Variants in CDC123 observed in about 807,000 individuals in gnomAD.
CDC123 encodes the protein cell division cycle 123, also known as translation initiation factor eIF2 assembly protein.
A neutral mutation model predicts 54.4 loss-of-function variants in CDC123; 37 were observed. The ratio of observed to expected loss-of-function variants is 0.68; its 90% CI spans 0.52 to 0.89. The LOEUF (loss-of-function observed/expected upper bound fraction) is 0.89, where lower values mean the gene tolerates loss of function less well. Ranked by LOEUF, CDC123 falls within the 40% of genes least tolerant of loss-of-function variation. The pLI is 0.00. For synonymous variants in CDC123, 144 were observed against 136.8 expected, an observed-to-expected ratio of 1.05 and a Z score of -0.37; for missense variants, 361 against 412.1, an observed-to-expected ratio of 0.88 and a Z score of 1.07.
intron 10 of CDC123, 126 bp downstream of exon 10, chr10:12,238,611 C>G: frequency 1.8e-6 from 2 of 1,139,900 alleles, no homozygotes; most frequent in Non-Finnish European, 1.2e-6. Flanking sequence ...TGCAGCAGCT[C>G]ATGCCTGTAT....
chr10:12,231,550 G>GGGAGGTGGAGGTTGCAGTGAGCTGAGAT (rs1248245636), intron 7 of CDC123, among the ~76,000 whole-genome samples: 2 of 151,378 alleles, frequency 1.3e-5, no homozygotes, highest in East Asian at 3.9e-4. Flanking sequence ...GCTTGAACCC[G>GGGAGGTGGAGGTTGCAGTGAGCTGAGAT]GGAGGTGGAG....
At chr10:12,232,429 TTGTC>T (rs764682816) in intron 7 of CDC123, among the ~76,000 whole-genome samples, 18 of 152,146 alleles carry the variant, frequency 1.2e-4, no homozygotes, top group Non-Finnish European at 2.4e-4. Flanking sequence ...CTTTCAAAAT[TTGTC>T]TGTTGACTCA....
At position 12,249,579 on chromosome 10, in the gene CDC123, A is replaced by G; in HGVS notation, c.847-2A>G. ...TCTTTCTCCTTTTTCTTCTTTGTAC[A>G]GGATTCCCCAGCTTTCCGTTGCACA... is the stretch of plus-strand genomic sequence containing the variant. On this transcript the variant is annotated splice_acceptor_variant, in intron 11 of 12. Coordinates refer to ENST00000281141, the MANE Select transcript of CDC123 (RefSeq NM_006023.3). LOFTEE classifies it high-confidence loss of function. 3 of 1,609,860 alleles carry G rather than the reference A, an allele frequency of 1.9e-6. No individual in the cohort carries two copies. Among genetic ancestry groups the G allele is most frequent in the Admixed American group, 1.7e-5 (1 of 58,484 alleles).
At chr10:12,234,561 A>G (rs1039845783) in intron 7 of CDC123, among the ~76,000 whole-genome samples, 2 of 152,056 alleles carry the variant, frequency 1.3e-5, no homozygotes, top group South Asian at 4.1e-4. Context: ...GGTGCAGAAC[A>G]TATGAATGAA....
intron 11 of CDC123, among the ~76,000 whole-genome samples, chr10:12,249,333 G>A (rs1836206442): frequency 6.6e-6 from 1 of 152,126 alleles, no homozygotes; most frequent in Admixed American, 6.6e-5. Context: ...AGCTACTTGG[G>A]AGGCTGAAGT....
intron 10 of CDC123, among the ~76,000 whole-genome samples, chr10:12,241,702 C>G (rs564749230): frequency 6.6e-6 from 1 of 152,006 alleles, no homozygotes; most frequent in South Asian, 2.1e-4. Context: ...TTTGTTTGTT[C>G]TTTTGTTTGT....
intron 2 of CDC123, among the ~76,000 whole-genome samples, chr10:12,208,100 CT>C (rs1283248546): frequency 6.6e-6 from 1 of 151,994 alleles, no homozygotes; most frequent in East Asian, 1.9e-4. Context: ...TCCTTGGGAT[CT>C]TTTTTTTAGT....
chr10:12,200,094 T>C (rs1247229365), intron 2 of CDC123, among the ~76,000 whole-genome samples: 6 of 143,368 alleles, frequency 4.2e-5, no homozygotes, highest in Non-Finnish European at 6.0e-5. Flanking sequence ...GTGCTGGGAT[T>C]ATAGGCCTGA....
intron 4 of CDC123, among the ~76,000 whole-genome samples, chr10:12,212,267 T>C (rs1172747447): frequency 2.6e-5 from 4 of 152,144 alleles, no homozygotes; most frequent in African/African-American, 4.8e-5. Context: ...CTAAATACCA[T>C]TCTCCACTAA....
chr10:12,215,696 T>G (rs763076995), intron 4 of CDC123, 44 bp from the exon 5 acceptor site: 8 of 1,156,312 alleles, frequency 6.9e-6, no homozygotes, highest in Middle Eastern at 2.0e-4. Context: ...ATATATATAC[T>G]GTGATGATAT....
chr10:12,221,293 A>G (rs1476405836), intron 6 of CDC123, among the ~76,000 whole-genome samples: 1 of 128,700 alleles, frequency 7.8e-6, no homozygotes, highest in Non-Finnish European at 1.7e-5. Flanking sequence ...GGGCTCTTTC[A>G]GGCCCTTTCC....
chr10:12,239,022 G>T (rs1016667303), intron 10 of CDC123, among the ~76,000 whole-genome samples: 1 of 152,008 alleles, frequency 6.6e-6, no homozygotes, highest in African/African-American at 2.4e-5. Context: ...GGGCCTGGTG[G>T]TGTTTGCCTG....
chr10:12,223,408 C>T (rs1401112991), intron 6 of CDC123, among the ~76,000 whole-genome samples: 2 of 152,120 alleles, frequency 1.3e-5, no homozygotes, highest in Non-Finnish European at 2.9e-5. Context: ...GCCTCAGCCT[C>T]CCAAGTAGCT....
chr10:12,244,452 CT>C (rs1836101451), intron 10 of CDC123, among the ~76,000 whole-genome samples: 1 of 152,178 alleles, frequency 6.6e-6, no homozygotes, highest in African/African-American at 2.4e-5. Flanking sequence ...GGCGCAGCCC[CT>C]GTGCCCCCGC....
chr10:12,234,639 A>G (rs557285741), intron 7 of CDC123, among the ~76,000 whole-genome samples: 2 of 152,280 alleles, frequency 1.3e-5, no homozygotes, highest in South Asian at 2.1e-4. Context: ...AGAACTCTCA[A>G]AATGGCAGTT....
chr10:12,213,588 G>A (rs1416566302), intron 4 of CDC123, among the ~76,000 whole-genome samples: 6 of 151,624 alleles, frequency 4.0e-5, no homozygotes, highest in South Asian at 2.1e-4. Flanking sequence ...TGTAGAAGAC[G>A]TTACTAGGAC....
chr10:12,221,740 ATTAAATTTATTTTTTAAATAAATTTTAT>A (rs1389282441), intron 6 of CDC123, among the ~76,000 whole-genome samples: 1 of 148,468 alleles, frequency 6.7e-6, no homozygotes, highest in South Asian at 2.1e-4. Context: ...AATTTCATTT[ATTAAATTTATTTTTTAAATAAATTTTAT>A]TAAAATTTAT....
chr10:12,245,872 AC>A, intron 10 of CDC123: 1 of 256,092 alleles, frequency 3.9e-6, no homozygotes, highest in Non-Finnish European at 7.5e-6. Context: ...AGAGTTCAAG[AC>A]CAGCCTGGGC....
At chr10:12,223,217 A>G (rs548291778) in intron 6 of CDC123, among the ~76,000 whole-genome samples, 13 of 152,130 alleles carry the variant, frequency 8.5e-5, no homozygotes, top group African/African-American at 3.1e-4. Flanking sequence ...TCAGTGTGCA[A>G]AATATTTGGA....
Sources: gnomAD v4.1 joint callset for allele counts (sites outside exome capture counted in the v4.1 genomes callset) on GRCh38, gnomAD v4.1.1 for gene constraint, MANE v1.5 for transcripts, NCBI Gene and HGNC (gene_info 2026-07-23, HGNC 2026-07-21) for gene names.